The following LTBP1 variants were observed in gnomAD, a reference collection of about 807,000 sequenced individuals.
The protein encoded by LTBP1 is latent transforming growth factor beta binding protein 1.
A neutral mutation model predicts 207.6 loss-of-function variants in LTBP1; 129 were observed. The ratio of observed to expected loss-of-function variants is 0.62; its 90% confidence interval spans 0.54 to 0.72. The LOEUF (loss-of-function observed/expected upper bound fraction) is 0.72. Ranked by LOEUF, LTBP1 falls within the 30% of genes least tolerant of loss-of-function variation. The pLI, the probability that LTBP1 is intolerant of heterozygous loss-of-function variation, is 0.00. For missense variants in LTBP1, 2,281 were observed against 2,217.2 expected (o/e 1.03, Z -0.58); for synonymous variants, 963 against 833.7 (o/e 1.16, Z -2.67).
chr2:33,241,048 A>G (rs2092305163), intron 9 of LTBP1, among the ~76,000 whole-genome samples: 1 of 152,210 alleles, frequency 6.6e-6, no homozygotes, highest in South Asian at 2.1e-4. Flanking sequence ...ATTCTAGTGT[A>G]TATACGTTAA....
intron 2 of LTBP1, among the ~76,000 whole-genome samples, chr2:32,978,248 C>G (rs890742174): frequency 6.6e-6 from 1 of 152,152 alleles, no homozygotes; most frequent in East Asian, 1.9e-4. Context: ...ACTCCCAGTA[C>G]TATGTTAAAT....
chr2:32,953,192 C>T (rs923966419), intron 2 of LTBP1, among the ~76,000 whole-genome samples: 3 of 152,206 alleles, frequency 2.0e-5, no homozygotes, highest in Non-Finnish European at 4.4e-5. Flanking sequence ...GAGTCACATG[C>T]ACCCTTGGTG....
intron 31 of LTBP1, among the ~76,000 whole-genome samples, chr2:33,385,124 T>G (rs1172611510): frequency 6.6e-6 from 1 of 152,238 alleles, no homozygotes; most frequent in Non-Finnish European, 1.5e-5. Context: ...GTACTATTGT[T>G]CATACTTTAT....
At chr2:33,337,766 A>T (rs778019736) in intron 24 of LTBP1, among the ~76,000 whole-genome samples, 1 of 152,210 alleles carries the variant, frequency 6.6e-6, no homozygotes, top group African/African-American at 2.4e-5. Context: ...TTAAGTGAAA[A>T]CATATGATAT....
At chr2:32,996,687 A>T (rs143600353) in intron 2 of LTBP1, among the ~76,000 whole-genome samples, 1 of 152,252 alleles carries the variant, frequency 6.6e-6, no homozygotes, top group Non-Finnish European at 1.5e-5. Flanking sequence ...CTTGCACAAC[A>T]AACCCATGAA....
At chr2:33,129,619 C>T (rs999321080) in intron 4 of LTBP1, among the ~76,000 whole-genome samples, 14 of 152,122 alleles carry the variant, frequency 9.2e-5, no homozygotes, top group African/African-American at 2.9e-4. Flanking sequence ...CAGTTATTCT[C>T]TTTAACATAT....
Position 33,180,518 on chromosome 2 carries a change from C to G in LTBP1, c.1202-6338C>G, listed in dbSNP as rs539823179. On this transcript the variant is annotated intron_variant, in intron 5 of 33. Coordinates refer to ENST00000404816, the MANE Select transcript of LTBP1 (RefSeq NM_206943.4). ...TGAGGCTGGAGTGCGGTGGTGCAAT[C>G]TCAGCTCAGTGCAACCCCTGCCTCC... Among the ~76,000 whole-genome samples, 69 of 149,052 alleles carry G rather than the reference C, an allele frequency of 4.6e-4. No individual in the cohort carries two copies. In the East Asian group the frequency reaches 0.012, roughly 25 times the overall value.
rs138559686 is a variant in LTBP1 at position 33,105,046 on chromosome 2, C to G, written c.864-5536C>G. The stretch of plus-strand genomic sequence containing the variant: ...TCTTATAGTTACCTCCATTATGGCC[C>G]CTTCTCGATTTATTCACTTTAGATG... On this transcript the variant is annotated intron_variant, in intron 3 of 33. Coordinates refer to ENST00000404816, the MANE Select transcript of LTBP1 (RefSeq NM_206943.4). Among the ~76,000 whole-genome samples the G allele has an allele frequency of 4.1e-3, 624 of 152,222 alleles. 9 individuals are homozygous for G. The highest frequency in any genetic ancestry group is 0.014 in the African/African-American group (580 of 41,536).
intron 7 of LTBP1, among the ~76,000 whole-genome samples, chr2:33,213,402 G>A (rs1205777948): frequency 6.6e-6 from 1 of 152,172 alleles, no homozygotes; most frequent in African/African-American, 2.4e-5. Flanking sequence ...ACCTCAATCT[G>A]TGCGTAAAAA....
At chr2:33,107,503 T>A (rs2080131968) in intron 3 of LTBP1, among the ~76,000 whole-genome samples, 1 of 152,108 alleles carries the variant, frequency 6.6e-6, no homozygotes, top group African/African-American at 2.4e-5. Context: ...CCCTGAGTTC[T>A]CCAGCTTTGT....
intron 9 of LTBP1, among the ~76,000 whole-genome samples, chr2:33,242,581 T>C (rs969849814): frequency 6.6e-5 from 10 of 151,890 alleles, no homozygotes; most frequent in Admixed American, 1.3e-4. Context: ...GATTTTTTTT[T>C]CCTTTTTTCT....
intron 3 of LTBP1, among the ~76,000 whole-genome samples, chr2:33,091,911 T>A (rs2079116827): frequency 1.3e-5 from 2 of 152,174 alleles, no homozygotes; most frequent in South Asian, 4.1e-4. Context: ...GATTGGGGCC[T>A]CCCCTGTTGC....
intron 2 of LTBP1, among the ~76,000 whole-genome samples, chr2:32,964,348 C>T (rs1572850353): frequency 6.6e-6 from 1 of 152,110 alleles, no homozygotes; most frequent in South Asian, 2.1e-4. Flanking sequence ...ACTGTTTTCC[C>T]CATTATGCAT....
intron 13 of LTBP1, among the ~76,000 whole-genome samples, chr2:33,261,709 T>C (rs1285022943): frequency 6.6e-6 from 1 of 152,062 alleles, no homozygotes; most frequent in East Asian, 1.9e-4. Flanking sequence ...GCCTGGATGG[T>C]TTTGGAAGGG....
chr2:33,221,565 G>T (rs556874153), intron 8 of LTBP1, among the ~76,000 whole-genome samples: 2 of 152,244 alleles, frequency 1.3e-5, no homozygotes, highest in African/African-American at 4.8e-5. Context: ...GTTCATAATG[G>T]TGAGAATCAT....
chr2:33,273,610 G>A lies in LTBP1; in HGVS notation c.2618-46G>A, dbSNP rs534878811. 45 of 1,511,416 alleles carry A rather than the reference G, an allele frequency of 3.0e-5. No individual in the cohort carries two copies. In the East Asian group the frequency reaches 1.0e-3, roughly 34 times the overall value. The allele number at this position is 1,511,416 out of a possible 1,614,324, so 93.6% of individuals were successfully genotyped here. On this transcript the variant is annotated intron_variant, in intron 15 of 33. Coordinates refer to ENST00000404816, the MANE Select transcript of LTBP1 (RefSeq NM_206943.4). ...TACTTTGAGAGTAGCAGTGAAATCT[G>A]TTCATTTCTGTGGGTTTTTTCACAT...
chr2:33,127,642 A>G (rs1448148525), intron 4 of LTBP1, among the ~76,000 whole-genome samples: 1 of 152,136 alleles, frequency 6.6e-6, no homozygotes, highest in Non-Finnish European at 1.5e-5. Flanking sequence ...AATATAGACT[A>G]TTTTCTTTGG....
At chr2:33,188,106 A>G (rs906540475) in intron 6 of LTBP1, among the ~76,000 whole-genome samples, 6 of 152,172 alleles carry the variant, frequency 3.9e-5, no homozygotes, top group African/African-American at 7.2e-5. Context: ...CTTAATTTTT[A>G]TTTTGCCTGT....
intron 2 of LTBP1, among the ~76,000 whole-genome samples, chr2:33,008,792 G>A (rs1311226809): frequency 1.3e-5 from 2 of 152,204 alleles, no homozygotes; most frequent in African/African-American, 2.4e-5. Context: ...AGAGGCACAA[G>A]GGCTGCTGTT....
Sources: allele counts gnomAD v4.1 joint callset (sites outside exome capture counted in the v4.1 genomes callset), GRCh38; gene constraint gnomAD v4.1.1; transcripts MANE v1.5; gene names NCBI Gene and HGNC (gene_info 2026-07-23, HGNC 2026-07-21).